Variants in MALRD1 observed in about 807,000 individuals in gnomAD.
MALRD1 encodes the protein MAM and LDL-receptor class A domain-containing protein 1.
MALRD1 carries 247 observed loss-of-function variants against 242.1 expected under a neutral mutation model. That is an observed-to-expected ratio of 1.02 (90% CI 0.92 to 1.13). The LOEUF (loss-of-function observed/expected upper bound fraction) is 1.13. Among genes scored for constraint, MALRD1 ranks in the 50% most tolerant of loss-of-function variants. The pLI, the probability that MALRD1 is intolerant of heterozygous loss-of-function variation, is 0.00. For synonymous variants in MALRD1, 995 were observed against 866.6 expected (o/e 1.15, Z -2.60); for missense variants, 2,989 against 2,533.1 (o/e 1.18, Z -3.86).
chr10:19,570,329 T>A (rs1836465675), intron 33 of MALRD1, among the ~76,000 whole-genome samples: 1 of 152,080 alleles, frequency 6.6e-6, no homozygotes, highest in African/African-American at 2.4e-5. Context: ...GTCTTAGGGA[T>A]TATGCAATAC....
At chr10:19,624,723 G>A (rs10827667) in intron 36 of MALRD1, among the ~76,000 whole-genome samples, 49,033 of 151,610 alleles carry the variant, frequency 0.32, 9,390 homozygotes, top group Admixed American at 0.47. Flanking sequence ...AAAATTAGCC[G>A]GGGGTGATGG....
intron 36 of MALRD1, among the ~76,000 whole-genome samples, chr10:19,636,926 T>G (rs1216871459): frequency 6.6e-6 from 1 of 151,288 alleles, no homozygotes; most frequent in Non-Finnish European, 1.5e-5. Flanking sequence ...CAGAGTAGAT[T>G]TTTTTAAAAA....
intron 10 of MALRD1, among the ~76,000 whole-genome samples, chr10:19,145,889 C>T (rs1833711208): frequency 6.6e-6 from 1 of 151,972 alleles, no homozygotes; most frequent in Admixed American, 6.6e-5. Flanking sequence ...TTATACTGGG[C>T]AAGCAAATTA....
chr10:19,584,763 C>G (rs1248913482), intron 33 of MALRD1, among the ~76,000 whole-genome samples: 1 of 152,052 alleles, frequency 6.6e-6, no homozygotes, highest in Non-Finnish European at 1.5e-5. Flanking sequence ...GAGCTGAGTT[C>G]AATTCCTGGG....
chr10:19,588,277 A>G (rs1356669618), intron 33 of MALRD1, among the ~76,000 whole-genome samples: 1 of 152,188 alleles, frequency 6.6e-6, no homozygotes, highest in Non-Finnish European at 1.5e-5. Context: ...GTAACTCCAT[A>G]TTAATTATCA....
At chr10:19,255,391 T>C (rs574689560) in intron 18 of MALRD1, among the ~76,000 whole-genome samples, 1 of 152,156 alleles carries the variant, frequency 6.6e-6, no homozygotes, top group Non-Finnish European at 1.5e-5. Flanking sequence ...AGTGACATTT[T>C]CATAATAGAG....
chr10:19,412,934 T>C (rs1833335717), intron 28 of MALRD1, among the ~76,000 whole-genome samples: 1 of 152,174 alleles, frequency 6.6e-6, no homozygotes, highest in South Asian at 2.1e-4. Context: ...AGATCAAACA[T>C]TTTATTTTAC....
chr10:19,198,020 G>A (rs923512882), intron 14 of MALRD1, among the ~76,000 whole-genome samples: 1 of 152,140 alleles, frequency 6.6e-6, no homozygotes, highest in Non-Finnish European at 1.5e-5. Flanking sequence ...TCCCACACTA[G>A]AGTCTAAGCT....
At chr10:19,307,073 C>T (rs1336657247) in intron 21 of MALRD1, among the ~76,000 whole-genome samples, 1 of 151,422 alleles carries the variant, frequency 6.6e-6, no homozygotes, top group African/African-American at 2.4e-5. Context: ...TGTAAGGGAA[C>T]AACATTTTAA....
At chr10:19,361,433 T>C (rs553523218) in intron 26 of MALRD1, among the ~76,000 whole-genome samples, 5 of 152,272 alleles carry the variant, frequency 3.3e-5, no homozygotes, top group African/African-American at 9.6e-5. Flanking sequence ...CATATCAGCC[T>C]ACGATTTCTT....
At chr10:19,376,225 G>C (rs73593892) in intron 26 of MALRD1, among the ~76,000 whole-genome samples, 1,969 of 152,238 alleles carry the variant, frequency 0.013, 36 homozygotes, top group African/African-American at 0.036. Flanking sequence ...TGCCCTCAGC[G>C]TCTTCAAATT....
At chr10:19,489,212 A>C (rs1837372739) in intron 29 of MALRD1, 1 of 474,022 alleles carries the variant, frequency 2.1e-6, no homozygotes, top group Admixed American at 2.3e-5. Context: ...GAAGCCGAAA[A>C]AGGCAGCAGC....
intron 31 of MALRD1, among the ~76,000 whole-genome samples, chr10:19,516,015 C>G (rs138377103): frequency 9.5e-4 from 144 of 152,306 alleles, no homozygotes; most frequent in African/African-American, 2.9e-3. Context: ...CGTTAAACAA[C>G]TAGCTATCGT....
Position 19,283,051 on chromosome 10 carries a change from C to A in MALRD1, c.3289C>A (p.Leu1097Met). 6.5e-7 allele frequency: 1 copy of A among 1,547,870 alleles called. No individual in the cohort carries two copies. The highest frequency in any genetic ancestry group is 1.7e-4 in the Middle Eastern group (1 of 5,978). Residue 1097 changes from leucine (L) to methionine (M), a missense_variant, in exon 21 of 40, where the codon CTG (leucine) becomes ATG (methionine). Physicochemically the swap from Leu to Met is conservative, Grantham distance 15. Transcript: ENST00000454679. ...AGTTTGCAGCTTTGAGAAAAGAAGCCTGTGTAAATGGTATCAACCAATCCC... is the reference window on the plus strand; with the variant it reads ...AGTTTGCAGCTTTGAGAAAAGAAGCATGTGTAAATGGTATCAACCAATCCC... ...MEVCSFEKRSLCKWYQPIPVH... is the reference protein window; with the variant it reads ...MEVCSFEKRSMCKWYQPIPVH...
At chr10:19,394,897 TG>T (rs1846511953) in intron 28 of MALRD1, among the ~76,000 whole-genome samples, 1 of 152,234 alleles carries the variant, frequency 6.6e-6, no homozygotes, top group Non-Finnish European at 1.5e-5. Context: ...GACAAGCTAC[TG>T]AATATCTAAT....
chr10:19,329,445 C>CAA (rs1843270568), intron 23 of MALRD1, among the ~76,000 whole-genome samples: 1 of 150,484 alleles, frequency 6.6e-6, no homozygotes, highest in Non-Finnish European at 1.5e-5. Context: ...TATTTAATTA[C>CAA]AATAATTTTT....
At chr10:19,573,351 C>G (rs1836653564) in intron 33 of MALRD1, among the ~76,000 whole-genome samples, 2 of 152,172 alleles carry the variant, frequency 1.3e-5, no homozygotes, top group South Asian at 4.1e-4. Flanking sequence ...GGCACCTACC[C>G]AGCTCAGCCA....
intron 26 of MALRD1, among the ~76,000 whole-genome samples, chr10:19,387,159 T>C (rs1165607645): frequency 1.3e-5 from 2 of 152,122 alleles, no homozygotes; most frequent in Admixed American, 6.6e-5. Context: ...CTTAGCTGCT[T>C]AAAGATTTTG....
At chr10:19,383,761 G>A (rs936187497) in intron 26 of MALRD1, among the ~76,000 whole-genome samples, 2 of 151,778 alleles carry the variant, frequency 1.3e-5, no homozygotes, top group Non-Finnish European at 1.5e-5. Context: ...AACTTTATGG[G>A]CTGCCTATTT....
Sources: gnomAD v4.1 joint callset for allele counts (sites outside exome capture counted in the v4.1 genomes callset) on GRCh38, gnomAD v4.1.1 for gene constraint, MANE v1.5 for transcripts, NCBI Gene and HGNC (gene_info 2026-07-23, HGNC 2026-07-21) for gene names.